CCDC102B: variants seen among roughly 807,000 people sequenced by gnomAD.
The protein encoded by CCDC102B is coiled-coil domain containing 102B, also known as coiled-coil domain-containing protein 102B.
CCDC102B carries 75 observed loss-of-function variants against 57.4 expected under a neutral mutation model. That is an observed-to-expected ratio of 1.31 (90% CI 1.08 to 1.58). CCDC102B has a LOEUF of 1.58. Ranked by LOEUF, CCDC102B falls within the 40% of genes most tolerant of loss-of-function variation. The probability of loss-of-function intolerance (pLI) is 0.00; values close to 1 mark genes in which losing one functional copy is unlikely to be tolerated. For synonymous variants in CCDC102B, 206 were observed against 201.9 expected, an observed-to-expected ratio of 1.02 and a Z score of -0.17; for missense variants, 636 against 582.6, an observed-to-expected ratio of 1.09 and a Z score of -0.94.
chr18:68,746,978 G>T (rs1320404411), intron 2 of CCDC102B, among the ~76,000 whole-genome samples: 1 of 151,678 alleles, frequency 6.6e-6, no homozygotes, highest in Non-Finnish European at 1.5e-5. Context: ...ACACATTTAT[G>T]GGGTACTGAG....
At chr18:68,783,506 A>G (rs2035076078) in intron 2 of CCDC102B, among the ~76,000 whole-genome samples, 1 of 152,200 alleles carries the variant, frequency 6.6e-6, no homozygotes, top group South Asian at 2.1e-4. Context: ...GTGGTCAGGC[A>G]GGCAATGCAT....
chr18:68,816,975 T>G lies in CCDC102B; in HGVS notation c.-16+18794T>G, dbSNP rs2036511266. 2.0e-5 allele frequency among the ~76,000 whole-genome samples: 3 copies of G among 152,220 alleles called. No individual in the cohort carries two copies. In the South Asian group the frequency reaches 6.2e-4, roughly 31 times the overall value. On this transcript the variant is annotated intron_variant, in intron 1 of 7. Transcript: ENST00000360242. ...ACACAACATATTCTTGTCTGCTCCA[T>G]TGTTCTGCATTGTGAGAGAAAGAAA... is the stretch of plus-strand genomic sequence containing the variant.
intron 6 of CCDC102B, among the ~76,000 whole-genome samples, chr18:68,945,478 G>C (rs969423021): frequency 6.6e-6 from 1 of 152,018 alleles, no homozygotes; most frequent in Non-Finnish European, 1.5e-5. Context: ...TATAAAAATA[G>C]GTTCTTACTG....
intron 7 of CCDC102B, among the ~76,000 whole-genome samples, chr18:69,049,131 G>T (rs1363936093): frequency 1.3e-5 from 2 of 151,556 alleles, no homozygotes; most frequent in Non-Finnish European, 2.9e-5. Context: ...ATGGTGGTTT[G>T]CTGCACCCAT....
At chr18:68,771,641 G>A (rs957913210) in intron 2 of CCDC102B, among the ~76,000 whole-genome samples, 1 of 152,178 alleles carries the variant, frequency 6.6e-6, no homozygotes, top group African/African-American at 2.4e-5. Flanking sequence ...GGGCTAGAGA[G>A]CATGGGCCTT....
chr18:68,756,827 G>A (rs1361743150), intron 2 of CCDC102B, among the ~76,000 whole-genome samples: 1 of 152,088 alleles, frequency 6.6e-6, no homozygotes, highest in Non-Finnish European at 1.5e-5. Context: ...CCACAGGCAT[G>A]ACCTGTTAAT....
chr18:68,785,314 A>G (rs1235416498), intron 2 of CCDC102B, among the ~76,000 whole-genome samples: 1 of 152,126 alleles, frequency 6.6e-6, no homozygotes, highest in African/African-American at 2.4e-5. Context: ...TTATAGCAGC[A>G]TGATTTATAG....
chr18:68,837,033 GA>G lies in CCDC102B; in HGVS notation c.271del (p.Thr91ProfsTer35). 1 of 1,614,204 alleles carries G rather than the reference GA, an allele frequency of 6.2e-7. No homozygotes were observed. Among genetic ancestry groups the G allele is most frequent in the Non-Finnish European group, 8.5e-7 (1 of 1,180,040 alleles). The part of the protein sequence containing the change: ...VKARAAQMEK[T>X]MRWWSDCTAN... ...AGGCCAGAGCTGCTCAGATGGAAAA[GA>G]CCATGCGGTGGTGGTCGGACTGCAC... On this transcript the variant is annotated frameshift_variant, in exon 2 of 8. Transcript: ENST00000360242. LOFTEE classifies it high-confidence loss of function.
intron 1 of CCDC102B, among the ~76,000 whole-genome samples, chr18:68,803,546 A>T (rs1424173430): frequency 6.6e-6 from 1 of 152,200 alleles, no homozygotes; most frequent in Non-Finnish European, 1.5e-5. Flanking sequence ...AGGAAATCAC[A>T]TGTGCTAAAG....
chr18:68,982,188 C>T (rs2050604214), intron 6 of CCDC102B, among the ~76,000 whole-genome samples: 1 of 151,746 alleles, frequency 6.6e-6, no homozygotes, highest in African/African-American at 2.4e-5. Context: ...CACTTAACTG[C>T]TGTAGTTCAA....
At chr18:68,816,537 C>T (rs1018149845) in intron 1 of CCDC102B, among the ~76,000 whole-genome samples, 3 of 140,730 alleles carry the variant, frequency 2.1e-5, no homozygotes, top group Non-Finnish European at 3.0e-5. Flanking sequence ...ACGATCTGGG[C>T]TCACTGCAAG....
chr18:68,846,863 A>C (rs2037889919), intron 4 of CCDC102B, among the ~76,000 whole-genome samples: 2 of 151,762 alleles, frequency 1.3e-5, no homozygotes, highest in Non-Finnish European at 3.0e-5. Context: ...AAGCAGCCTG[A>C]TAATATCAAT....
At chr18:68,887,681 A>C (rs1361198635) in intron 5 of CCDC102B, among the ~76,000 whole-genome samples, 2 of 152,234 alleles carry the variant, frequency 1.3e-5, no homozygotes, top group African/African-American at 4.8e-5. Context: ...TCTTCACTAA[A>C]GTGTACCTTT....
intron 2 of CCDC102B, among the ~76,000 whole-genome samples, chr18:68,758,103 A>AATACATTTTC (rs1401961188): frequency 6.6e-6 from 1 of 152,030 alleles, no homozygotes; most frequent in Non-Finnish European, 1.5e-5. Flanking sequence ...ACACACTAAA[A>AATACATTTTC]ATACATTTTC....
At chr18:68,785,598 A>T (rs1599457198) in intron 2 of CCDC102B, among the ~76,000 whole-genome samples, 1 of 150,114 alleles carries the variant, frequency 6.7e-6, no homozygotes, top group East Asian at 2.0e-4. Context: ...GCATTTTTTC[A>T]TGTGTTTTTT....
chr18:68,944,573 G>T (rs1242138372), intron 6 of CCDC102B, among the ~76,000 whole-genome samples: 1 of 151,868 alleles, frequency 6.6e-6, no homozygotes, highest in Non-Finnish European at 1.5e-5. Context: ...TCCAATTCAT[G>T]AGAGCAAAGC....
chr18:68,901,452 A>G (rs944444281), intron 6 of CCDC102B, among the ~76,000 whole-genome samples: 2 of 152,178 alleles, frequency 1.3e-5, no homozygotes, highest in Non-Finnish European at 2.9e-5. Context: ...TAGGAGGTAC[A>G]TGCAGGGGTC....
chr18:68,817,891 C>G (rs2036546175), intron 1 of CCDC102B, among the ~76,000 whole-genome samples: 1 of 151,988 alleles, frequency 6.6e-6, no homozygotes, highest in Non-Finnish European at 1.5e-5. Flanking sequence ...AAGGAAATAT[C>G]TGGATAATTT....
chr18:68,779,173 T>G (rs1446208667), intron 2 of CCDC102B, among the ~76,000 whole-genome samples: 1 of 152,108 alleles, frequency 6.6e-6, no homozygotes, highest in Admixed American at 6.6e-5. Flanking sequence ...CAAAATTTAC[T>G]CTGCTAGGAA....
Sources: allele counts gnomAD v4.1 joint callset (sites outside exome capture counted in the v4.1 genomes callset), GRCh38; gene constraint gnomAD v4.1.1; transcripts MANE v1.5; gene names NCBI Gene and HGNC (gene_info 2026-07-23, HGNC 2026-07-21).